LILRA2: variants seen among roughly 807,000 people sequenced by gnomAD.
LILRA2 encodes the protein leukocyte immunoglobulin like receptor A2.
In LILRA2, 45 loss-of-function variants were observed where a neutral mutation model predicts 47.9. The observed-to-expected ratio is 0.94, with a 90% CI of 0.74 to 1.20. LILRA2 has a LOEUF of 1.20. LILRA2 is among the 50% of genes most tolerant of loss of function. The pLI is 0.00. For missense variants in LILRA2, 651 were observed against 598.2 expected (o/e 1.09, Z -0.92); for synonymous variants, 279 against 249.2 (o/e 1.12, Z -1.13).
chr19:54,587,585 C>A lies in LILRA2; in HGVS notation c.*239C>A, dbSNP rs1441766023. On this transcript the variant is annotated 3_prime_UTR_variant, in exon 8 of 8. Transcript: ENST00000391738. ...ATGTTGACTTCCCTTGACTGGATCC[C>A]CTTTTTTTCCCATCCCCAGACATGA... The A allele has an allele frequency of 2.9e-6, 2 of 687,422 alleles. No individual in the cohort carries two copies. Among genetic ancestry groups the A allele is most frequent in the Non-Finnish European group, 4.7e-6 (2 of 426,852 alleles). The allele number at this position is 687,422 out of a possible 1,614,324, so 42.6% of individuals were successfully genotyped here.
At chr19:54,576,416 A>G (rs2062441071) in intron 6 of LILRA2, among the ~76,000 whole-genome samples, 1 of 152,200 alleles carries the variant, frequency 6.6e-6, no homozygotes, top group South Asian at 2.1e-4. Flanking sequence ...TGATGTCTCC[A>G]CCTCAGAATC....
chr19:54,574,258 G>A, intron 2 of LILRA2, 43 bp from the exon 3 acceptor site: 3 of 1,613,826 alleles, frequency 1.9e-6, no homozygotes, highest in Non-Finnish European at 2.5e-6. Context: ...GAGATCTGTT[G>A]GGTGGGAAAT....
Position 54,587,604 on chromosome 19 carries a change from G to A in LILRA2, c.*258G>A. The A allele has an allele frequency of 1.7e-6, 1 of 604,832 alleles. No individual in the cohort carries two copies. The allele number at this position is 604,832 out of a possible 1,614,324, so 37.5% of individuals were successfully genotyped here. ...GGATCCCCTTTTTTTCCCATCCCCAGACATGAGGCTCCATCCCACATGGCA... is the reference window on the plus strand; with the variant it reads ...GGATCCCCTTTTTTTCCCATCCCCAAACATGAGGCTCCATCCCACATGGCA... On this transcript the variant is annotated 3_prime_UTR_variant, in exon 8 of 8. Coordinates refer to ENST00000391738, the MANE Select transcript of LILRA2 (RefSeq NM_001130917.3).
rs751288304 is a variant in LILRA2 at position 54,575,466 on chromosome 19, A to G, written c.866A>G (p.His289Arg). The change falls in exon 5 of 8, where the codon CAC becomes CGC. Residue 289 changes from histidine (H) to arginine (R), a missense_variant. His to Arg is a conservative substitution (Grantham distance 29). Transcript: ENST00000391738. ...NFTLGPVSPSHGGQYRCYSAH... is the reference protein window; with the variant it reads ...NFTLGPVSPSRGGQYRCYSAH... ...ACCCTGGGCCCTGTGAGCCCCTCCCACGGGGGCCAGTACAGATGCTACAGT... is the reference window on the plus strand; with the variant it reads ...ACCCTGGGCCCTGTGAGCCCCTCCCGCGGGGGCCAGTACAGATGCTACAGT... 3.1e-6 allele frequency: 5 copies of G among 1,613,506 alleles called. No individual in the cohort carries two copies. The highest frequency in any genetic ancestry group is 2.2e-5 in the East Asian group (1 of 44,890).
chr19:54,575,219 G>T (rs574788965), intron 4 of LILRA2, 37 bp from the exon 5 acceptor site: 1 of 1,577,384 alleles, frequency 6.3e-7, no homozygotes, highest in Admixed American at 1.8e-5. Context: ...GGAAGCCTGA[G>T]GGTCGGCTCC....
At chr19:54,585,857 A>T (rs1350988236) in intron 6 of LILRA2, among the ~76,000 whole-genome samples, 1 of 152,212 alleles carries the variant, frequency 6.6e-6, no homozygotes, top group African/African-American at 2.4e-5. Context: ...AAATGCAGAA[A>T]TCCAGCTGCA....
intron 6 of LILRA2, among the ~76,000 whole-genome samples, chr19:54,576,901 A>G (rs2062468967): frequency 6.6e-6 from 1 of 152,282 alleles, no homozygotes. Flanking sequence ...TGGACTCCTC[A>G]TCTGAATAAG....
At position 54,573,919 on chromosome 19, in the gene LILRA2, T is replaced by C. The variant is rs1194689875; in HGVS notation, c.34+7T>C. The C allele has an allele frequency of 1.2e-6, 2 of 1,614,044 alleles. No homozygotes were observed. ...ACGGTCCTGATCTGTCTCGGTGAGA[T>C]TTGAAGAGGGAGGGGAGCTTCTAAC... On this transcript the variant is annotated splice_region_variant and intron_variant, in intron 1 of 7. Coordinates refer to ENST00000391738, the MANE Select transcript of LILRA2 (RefSeq NM_001130917.3).
At chr19:54,578,332 T>C (rs1000648950) in intron 6 of LILRA2, among the ~76,000 whole-genome samples, 6 of 151,226 alleles carry the variant, frequency 4.0e-5, no homozygotes, top group Admixed American at 1.3e-4. Flanking sequence ...CCTGTGTCCA[T>C]GTGTTCTCAT....
At chr19:54,579,664 A>T (rs2062583535) in intron 6 of LILRA2, among the ~76,000 whole-genome samples, 1 of 152,148 alleles carries the variant, frequency 6.6e-6, no homozygotes, top group African/African-American at 2.4e-5. Flanking sequence ...TGGTAGCTTG[A>T]TGGGGATAGC....
chr19:54,584,374 C>G (rs189310828), intron 6 of LILRA2, among the ~76,000 whole-genome samples: 162 of 152,320 alleles, frequency 1.1e-3, no homozygotes, highest in African/African-American at 3.3e-3. Context: ...TGTTTTCTAA[C>G]TTGGTTCCAT....
At chr19:54,573,061 G>T (rs185942553), upstream of LILRA2, 63 of 221,830 alleles carry the variant, frequency 2.8e-4, 1 homozygote, top group East Asian at 6.8e-3. Flanking sequence ...ATAGCTCCCT[G>T]CAGCCTCCGC....
In LILRA2 at chr19:54,587,964, A is replaced by T. The variant is rs73939014; in HGVS notation, c.*618A>T. On this transcript the variant is annotated 3_prime_UTR_variant, in exon 8 of 8. Transcript: ENST00000391738. ...AGTGACACCACAGCTATGCTGATTC[A>T]GAAAAAGACATCTCTAAAATACTGT... 0.014 allele frequency: 2,151 copies of T among 153,050 alleles called. 31 individuals are homozygous for T. The highest frequency in any genetic ancestry group is 0.074 in the South Asian group (357 of 4,852). The allele number at this position is 153,050 out of a possible 1,614,324, so 9.5% of individuals were successfully genotyped here.
At chr19:54,581,617 A>C (rs1300489274) in intron 6 of LILRA2, among the ~76,000 whole-genome samples, 1 of 151,410 alleles carries the variant, frequency 6.6e-6, no homozygotes, top group Non-Finnish European at 1.5e-5. Context: ...CTTGTAGTAT[A>C]GTTTGAAGTC....
At chr19:54,577,524 A>G (rs1229607565) in intron 6 of LILRA2, 1 of 1,289,524 alleles carries the variant, frequency 7.8e-7, no homozygotes, top group African/African-American at 1.5e-5. Flanking sequence ...TCTCAAGACA[A>G]GAGAGGAGGC....
chr19:54,586,930 G>A, intron 6 of LILRA2, 80 bp from the exon 7 acceptor site: 1 of 1,049,400 alleles, frequency 9.5e-7, no homozygotes, highest in Non-Finnish European at 1.4e-6. Context: ...CTCATGTCAA[G>A]AGACACAGGG....
At chr19:54,580,192 C>CTTTTTTTTTTTTT (rs1203757541) in intron 6 of LILRA2, among the ~76,000 whole-genome samples, 2 of 112,022 alleles carry the variant, frequency 1.8e-5, no homozygotes, top group African/African-American at 6.9e-5. Flanking sequence ...TGCCGGTTTT[C>CTTTTTTTTTTTTT]TTTTCTTTTT....
Position 54,576,872 on chromosome 19 carries a change from G to T in LILRA2, c.1255+763G>T, listed in dbSNP as rs1388566562. 1.7e-3 allele frequency among the ~76,000 whole-genome samples: 264 copies of T among 151,792 alleles called. No homozygotes were observed. The South Asian group carries it at 0.038, about 22-fold the overall frequency. On this transcript the variant is annotated intron_variant, in intron 6 of 7. Transcript: ENST00000391738. Reference sequence around the variant, plus strand: ...CTTGGGAGGTGGAACTTCTGAAAGAGCCCATTCCCCTTGCACCCTGGACTC... The same window carrying T: ...CTTGGGAGGTGGAACTTCTGAAAGATCCCATTCCCCTTGCACCCTGGACTC...
chr19:54,582,812 C>T (rs1905693214), intron 6 of LILRA2, among the ~76,000 whole-genome samples: 1 of 152,154 alleles, frequency 6.6e-6, no homozygotes, highest in African/African-American at 2.4e-5. Flanking sequence ...GTCTTGCCTT[C>T]TGCTAGCTTT....
Sources: gnomAD v4.1 joint callset for allele counts (sites outside exome capture counted in the v4.1 genomes callset) on GRCh38, gnomAD v4.1.1 for gene constraint, MANE v1.5 for transcripts, NCBI Gene and HGNC (gene_info 2026-07-23, HGNC 2026-07-21) for gene names.